Variants in TRAF3IP1 observed in about 807,000 individuals in gnomAD.
The protein encoded by TRAF3IP1 is TRAF3-interacting protein 1.
A neutral mutation model predicts 89.9 loss-of-function variants in TRAF3IP1; 53 were observed. The observed-to-expected ratio is 0.59, with a 90% CI of 0.47 to 0.74. The LOEUF (loss-of-function observed/expected upper bound fraction) is 0.74, where lower values mean the gene tolerates loss of function less well. Among genes scored for constraint, TRAF3IP1 ranks in the 30% least tolerant of loss-of-function variants. The pLI, the probability that TRAF3IP1 is intolerant of heterozygous loss-of-function variation, is 0.00. For synonymous variants in TRAF3IP1, 311 were observed against 322.1 expected, an observed-to-expected ratio of 0.97 and a Z score of 0.37; for missense variants, 806 against 866.1, an observed-to-expected ratio of 0.93 and a Z score of 0.87.
intron 15 of TRAF3IP1, among the ~76,000 whole-genome samples, chr2:238,395,249 CT>C (rs1701159854): frequency 6.6e-6 from 1 of 152,174 alleles, no homozygotes; most frequent in Non-Finnish European, 1.5e-5. Flanking sequence ...ACCATCTGAT[CT>C]TTGACAAACC....
At chr2:238,372,370 A>T (rs1172830007) in intron 15 of TRAF3IP1, among the ~76,000 whole-genome samples, 1 of 151,990 alleles carries the variant, frequency 6.6e-6, no homozygotes, top group Non-Finnish European at 1.5e-5. Flanking sequence ...TATGAGTGAG[A>T]ACATGTGGTG....
intron 15 of TRAF3IP1, among the ~76,000 whole-genome samples, chr2:238,384,328 A>T (rs2106368528): frequency 6.7e-6 from 1 of 149,698 alleles, no homozygotes; most frequent in East Asian, 2.0e-4. Flanking sequence ...ATCTGTCCAG[A>T]ATCAACCTGA....
At chr2:238,352,512 T>C (rs2106326712) in intron 12 of TRAF3IP1, among the ~76,000 whole-genome samples, 1 of 152,092 alleles carries the variant, frequency 6.6e-6, no homozygotes, top group South Asian at 2.1e-4. Flanking sequence ...CTGAGGGTCT[T>C]TGTGCAGTAG....
chr2:238,356,544 T>C (rs1335743324), intron 15 of TRAF3IP1, among the ~76,000 whole-genome samples: 6 of 151,932 alleles, frequency 3.9e-5, no homozygotes, highest in Non-Finnish European at 8.8e-5. Context: ...TGGGAGGATA[T>C]AAAGTGTGGG....
intron 15 of TRAF3IP1, among the ~76,000 whole-genome samples, chr2:238,374,603 G>C (rs1223051938): frequency 6.6e-6 from 1 of 152,016 alleles, no homozygotes; most frequent in East Asian, 1.9e-4. Flanking sequence ...TTTTTGTTGT[G>C]TCTCTACCAG....
intron 12 of TRAF3IP1, 56 bp downstream of exon 12, chr2:238,349,464 T>C (rs1026626619): frequency 1.3e-6 from 2 of 1,546,326 alleles, no homozygotes; most frequent in African/African-American, 1.4e-5. Context: ...CCAGTGGGCA[T>C]GGTGCCTCCG....
rs1699051250 is a variant in TRAF3IP1 at position 238,349,507 on chromosome 2, G to A, written c.1451+99G>A. ...AAGGGGGAGGGAAGCAGCACATGGT[G>A]CTGGAAACATGCTATTGAGGAACAA... On this transcript the variant is annotated intron_variant, in intron 12 of 16. Coordinates refer to ENST00000373327, the MANE Select transcript of TRAF3IP1 (RefSeq NM_015650.4). 3.4e-5 allele frequency: 42 copies of A among 1,237,410 alleles called. No individual in the cohort carries two copies. In the South Asian group the frequency reaches 5.2e-4, roughly 15 times the overall value. The allele number at this position is 1,237,410 out of a possible 1,614,324, so 76.7% of individuals were successfully genotyped here.
At chr2:238,338,634 A>C (rs944363240) in intron 8 of TRAF3IP1, among the ~76,000 whole-genome samples, 177 bp downstream of exon 8, 14 of 152,228 alleles carry the variant, frequency 9.2e-5, no homozygotes, top group African/African-American at 3.4e-4. Context: ...TTAATATGCT[A>C]AGTTATGTAA....
intron 15 of TRAF3IP1, among the ~76,000 whole-genome samples, chr2:238,385,417 A>G (rs956696525): frequency 4.6e-5 from 7 of 152,238 alleles, no homozygotes; most frequent in Non-Finnish European, 1.0e-4. Context: ...CTTAAAAATA[A>G]ATGACTCATG....
chr2:238,321,359 A>C (rs904610408), intron 1 of TRAF3IP1, among the ~76,000 whole-genome samples: 5 of 152,210 alleles, frequency 3.3e-5, no homozygotes, highest in Non-Finnish European at 2.9e-5. Context: ...GAGAATGGAA[A>C]TAATATTTTT....
chr2:238,329,324 T>C lies in TRAF3IP1; in HGVS notation c.897T>C (p.His299=). 4 of 1,370,208 alleles carry C rather than the reference T, an allele frequency of 2.9e-6. No individual in the cohort carries two copies. Among genetic ancestry groups the C allele is most frequent in the Non-Finnish European group, 3.8e-6 (4 of 1,053,506 alleles). 84.9% of individuals were successfully genotyped at this position (1,370,208 alleles called of 1,614,324 possible). ...TGGACAGGGAGAAGAACAGAGAGCA[T>C]GACAAACCTGAGAAAAAGGTAAAGT... ...WDLDREKNRE[H]DKPEKKSASS... is the part of the protein sequence containing the mutation. The change falls in exon 5 of 17, where the codon CAT becomes CAC. Residue 299 remains histidine (H), a synonymous_variant. Coordinates refer to ENST00000373327, the MANE Select transcript of TRAF3IP1 (RefSeq NM_015650.4).
chr2:238,382,550 G>C (rs544982784), intron 15 of TRAF3IP1, among the ~76,000 whole-genome samples: 1 of 151,800 alleles, frequency 6.6e-6, no homozygotes, highest in Non-Finnish European at 1.5e-5. Context: ...CAGATCAGCA[G>C]GTCGGGGAGG....
At chr2:238,376,530 C>T (rs763501820) in intron 15 of TRAF3IP1, among the ~76,000 whole-genome samples, 25 of 152,206 alleles carry the variant, frequency 1.6e-4, no homozygotes, top group African/African-American at 5.8e-4. Context: ...TATTGAGTGC[C>T]GTGAAAAACC....
intron 15 of TRAF3IP1, among the ~76,000 whole-genome samples, chr2:238,372,567 T>A (rs972292526): frequency 3.3e-5 from 5 of 152,218 alleles, no homozygotes; most frequent in Non-Finnish European, 7.3e-5. Flanking sequence ...GTCTTTGCTA[T>A]TGTGAGTAGT....
chr2:238,349,311 A>G lies in TRAF3IP1; in HGVS notation c.1368-14A>G, dbSNP rs1559369503. On this transcript the variant is annotated splice_polypyrimidine_tract_variant and intron_variant, in intron 11 of 16. Coordinates refer to ENST00000373327, the MANE Select transcript of TRAF3IP1 (RefSeq NM_015650.4). ...TTCATACTCCTTTTTTGGTTTTCCA[A>G]TATTTGGGTTTAGAAGAATTCCTCG... is the stretch of plus-strand genomic sequence containing the variant. The G allele has an allele frequency of 1.9e-6, 3 of 1,613,420 alleles. No homozygotes were observed. The highest frequency in any genetic ancestry group is 2.2e-5 in the East Asian group (1 of 44,872).
intron 15 of TRAF3IP1, among the ~76,000 whole-genome samples, chr2:238,362,848 C>T (rs915131907): frequency 2.0e-5 from 3 of 152,218 alleles, no homozygotes; most frequent in African/African-American, 7.2e-5. Context: ...GCCGAGGGTT[C>T]CTGGACCCAG....
At position 238,398,973 on chromosome 2, in the gene TRAF3IP1, A is replaced by C. The variant is rs1701364239; in HGVS notation, c.*54A>C. 1 of 1,485,352 alleles carries C rather than the reference A, an allele frequency of 6.7e-7. No homozygotes were observed. The highest frequency in any genetic ancestry group is 1.4e-5 in the African/African-American group (1 of 71,016). 92.0% of individuals were successfully genotyped at this position (1,485,352 alleles called of 1,614,324 possible). A position where few individuals can be genotyped will look rare whatever the true frequency, so the allele number is the denominator to read the frequency against. Reference sequence around the variant, plus strand: ...CACCTCAGTTTAAAAGCAAAAAGGAAGATAGAAAATCATTACTCTTTTAAG... The same window carrying C: ...CACCTCAGTTTAAAAGCAAAAAGGACGATAGAAAATCATTACTCTTTTAAG... On this transcript the variant is annotated 3_prime_UTR_variant, in exon 17 of 17. Transcript: ENST00000373327.
chr2:238,327,419 A>G (rs551466549), intron 3 of TRAF3IP1, among the ~76,000 whole-genome samples: 5 of 152,288 alleles, frequency 3.3e-5, no homozygotes, highest in Non-Finnish European at 5.9e-5. Context: ...GCACGCGGCA[A>G]TCACGCAGCA....
chr2:238,347,267 C>G, intron 9 of TRAF3IP1, 188 bp from the exon 10 acceptor site: 1 of 602,314 alleles, frequency 1.7e-6, no homozygotes, highest in Non-Finnish European at 2.9e-6. Flanking sequence ...CTTTGTTTTT[C>G]TATCTTTGAA....
Sources: gnomAD v4.1 joint callset for allele counts (sites outside exome capture counted in the v4.1 genomes callset) on GRCh38, gnomAD v4.1.1 for gene constraint, MANE v1.5 for transcripts, NCBI Gene and HGNC (gene_info 2026-07-23, HGNC 2026-07-21) for gene names.